The following ARSG variants were observed in gnomAD, a reference collection of about 807,000 sequenced individuals.
ARSG encodes arylsulfatase G, also known as ASG.
ARSG carries 37 observed loss-of-function variants against 50.5 expected under a neutral mutation model. The ratio of observed to expected loss-of-function variants is 0.73; its 90% CI spans 0.56 to 0.96. The LOEUF is 0.96. ARSG is among the 50% of genes least tolerant of loss of function. ARSG has a pLI of 0.00. For missense variants in ARSG, 629 were observed against 675.3 expected (o/e 0.93, Z 0.76); for synonymous variants, 225 against 254.6 (o/e 0.88, Z 1.11).
At position 68,385,070 on chromosome 17, in the gene ARSG, G is replaced by C. The variant is rs2080637048; in HGVS notation, c.989G>C (p.Ser330Thr). The C allele has an allele frequency of 3.1e-6, 5 of 1,614,030 alleles. No homozygotes were observed. Among genetic ancestry groups the C allele is most frequent in the Non-Finnish European group, 4.2e-6 (5 of 1,179,960 alleles). ...TGFWQTRQGG[S>T]PAKQTTWEGG... ...GCCTCCCCTCCTCTCACAGGGGGAA[G>C]TCCAGCCAAGCAGACGACCTGGGAA... The change falls in exon 9 of 12, where the codon AGT becomes ACT. Residue 330 changes from serine to threonine, a missense_variant. Transcript: ENST00000621439.
intron 4 of ARSG, among the ~76,000 whole-genome samples, chr17:68,348,412 T>C (rs1248521991): frequency 6.6e-6 from 1 of 152,082 alleles, no homozygotes; most frequent in Non-Finnish European, 1.5e-5. Flanking sequence ...CTCCTGTGGG[T>C]GTGGGAAGTG....
intron 8 of ARSG, among the ~76,000 whole-genome samples, chr17:68,384,586 A>T (rs2080606343): frequency 6.6e-6 from 1 of 152,222 alleles, no homozygotes; most frequent in Non-Finnish European, 1.5e-5. Flanking sequence ...TGAGCAGATC[A>T]AATAGCTGCA....
At chr17:68,262,724 C>T (rs1172793665) in intron 1 of ARSG, among the ~76,000 whole-genome samples, 4 of 152,048 alleles carry the variant, frequency 2.6e-5, no homozygotes, top group Non-Finnish European at 4.4e-5. Flanking sequence ...GATCAAGGGT[C>T]CTGGTGCAGT....
intron 11 of ARSG, among the ~76,000 whole-genome samples, chr17:68,404,365 T>C (rs2081613719): frequency 6.6e-6 from 1 of 152,186 alleles, no homozygotes; most frequent in African/African-American, 2.4e-5. Flanking sequence ...TAAGGCAACC[T>C]GTACACAAAG....
At chr17:68,291,334 C>T (rs2075980127), upstream of ARSG, 1 of 141,040 alleles carries the variant, frequency 7.1e-6, no homozygotes, top group Admixed American at 7.0e-5. Flanking sequence ...GCGACCCGGG[C>T]CGTGCGTGCT....
intron 2 of ARSG, among the ~76,000 whole-genome samples, chr17:68,314,723 T>A (rs2077004586): frequency 6.6e-6 from 1 of 151,956 alleles, no homozygotes; most frequent in African/African-American, 2.4e-5. Flanking sequence ...AAATAAAAAA[T>A]TAAGTAATCT....
At chr17:68,437,947 T>TAAAAAAAAAAAAAAAAAAAAAA in the ARSG span, among the ~76,000 whole-genome samples, 1 of 58,786 alleles carries the variant, frequency 1.7e-5, no homozygotes. Flanking sequence ...GACATCTCTC[T>TAAAAAAAAAAAAAAAAAAAAAA]TAAAAAAAAA....
At chr17:68,310,432 A>C (rs1468846235) in intron 2 of ARSG, among the ~76,000 whole-genome samples, 1 of 152,216 alleles carries the variant, frequency 6.6e-6, no homozygotes, top group Non-Finnish European at 1.5e-5. Context: ...ACTCTAAGGG[A>C]CCACAAAAGA....
chr17:68,433,390 G>A, the ARSG span: 4 of 1,272,176 alleles, frequency 3.1e-6, no homozygotes, highest in Non-Finnish European at 4.6e-6. Flanking sequence ...AAAGAAAAGA[G>A]ATCATTCATG....
intron 1 of ARSG, chr17:68,278,040 T>A (rs1555751542): frequency 7.5e-7 from 1 of 1,325,976 alleles, no homozygotes; most frequent in Non-Finnish European, 1.1e-6. Flanking sequence ...GTAGCCAAAT[T>A]AAAAGGGCCC....
At chr17:68,303,843 CT>C (rs2076509763) in intron 1 of ARSG, among the ~76,000 whole-genome samples, 1 of 152,188 alleles carries the variant, frequency 6.6e-6, no homozygotes, top group Non-Finnish European at 1.5e-5. Context: ...TCTGGTCTGC[CT>C]TTTCCATTTA....
At chr17:68,273,371 C>T (rs2075406271) in intron 1 of ARSG, among the ~76,000 whole-genome samples, 1 of 152,060 alleles carries the variant, frequency 6.6e-6, no homozygotes, top group African/African-American at 2.4e-5. Context: ...CACAGGCACG[C>T]ACCACCACGC....
intron 1 of ARSG, among the ~76,000 whole-genome samples, chr17:68,295,641 C>A (rs2076175913): frequency 1.3e-5 from 2 of 150,110 alleles, no homozygotes; most frequent in South Asian, 4.2e-4. Context: ...CCAGCCTGGG[C>A]AACACGGCAA....
chr17:68,375,784 C>T (rs1025129030), intron 8 of ARSG, among the ~76,000 whole-genome samples: 1 of 152,038 alleles, frequency 6.6e-6, no homozygotes, highest in Non-Finnish European at 1.5e-5. Flanking sequence ...GAGTAGGAGC[C>T]GCTCCCTAGA....
chr17:68,414,277 G>C (rs2082231819), intron 11 of ARSG: 1 of 152,186 alleles, frequency 6.6e-6, no homozygotes, highest in Non-Finnish European at 1.5e-5. Flanking sequence ...AGATGACCAT[G>C]TGATTTTTGT....
chr17:68,392,780 G>A (rs780715804), intron 9 of ARSG, among the ~76,000 whole-genome samples: 17 of 152,222 alleles, frequency 1.1e-4, no homozygotes, highest in Admixed American at 2.6e-4. Flanking sequence ...GATTACAGGC[G>A]TGAGGCACCG....
At chr17:68,412,529 CCTTT>C (rs2082068747) in intron 11 of ARSG, among the ~76,000 whole-genome samples, 2 of 152,308 alleles carry the variant, frequency 1.3e-5, no homozygotes, top group East Asian at 3.9e-4. Flanking sequence ...GGTAACCTGA[CCTTT>C]CTCTCTGGCT....
chr17:68,419,670 T>G (rs1326721979), intron 11 of ARSG, among the ~76,000 whole-genome samples: 1 of 152,114 alleles, frequency 6.6e-6, no homozygotes, highest in African/African-American at 2.4e-5. Flanking sequence ...AACTTCCAAA[T>G]CATTTTAGTG....
chr17:68,275,890 G>A (rs1555750737), intron 1 of ARSG, among the ~76,000 whole-genome samples: 1 of 151,648 alleles, frequency 6.6e-6, no homozygotes, highest in African/African-American at 2.4e-5. Flanking sequence ...GGCTAAGGCA[G>A]GAGAATCACT....
Sources: allele counts gnomAD v4.1 joint callset (sites outside exome capture counted in the v4.1 genomes callset), GRCh38; gene constraint gnomAD v4.1.1; transcripts MANE v1.5; gene names NCBI Gene and HGNC (gene_info 2026-07-23, HGNC 2026-07-21).